Variants in MALRD1 observed in about 807,000 individuals in gnomAD.
The protein encoded by MALRD1 is MAM and LDL-receptor class A domain-containing protein 1.
Under a neutral mutation model 242.1 loss-of-function variants are expected in MALRD1, and 247 were observed. That is an observed-to-expected ratio of 1.02 (90% confidence interval 0.92 to 1.13). The LOEUF (loss-of-function observed/expected upper bound fraction) is 1.13, where lower values mean the gene tolerates loss of function less well. Among genes scored for constraint, MALRD1 ranks in the 50% most tolerant of loss-of-function variants. The pLI is 0.00. For missense variants in MALRD1, 2,989 were observed against 2,533.1 expected (o/e 1.18, Z -3.86); for synonymous variants, 995 against 866.6 (o/e 1.15, Z -2.60).
At chr10:19,306,101 G>GT (rs1564546829) in intron 21 of MALRD1, among the ~76,000 whole-genome samples, 2 of 109,098 alleles carry the variant, frequency 1.8e-5, no homozygotes, top group African/African-American at 3.8e-5. Context: ...CTATATACTA[G>GT]ATAGTATATA....
chr10:19,388,050 G>C (rs1390060858), intron 27 of MALRD1, among the ~76,000 whole-genome samples: 1 of 152,152 alleles, frequency 6.6e-6, no homozygotes, highest in Non-Finnish European at 1.5e-5. Context: ...GGTTGTGAGG[G>C]AGCATGATCT....
chr10:19,519,249 GT>G lies in MALRD1; in HGVS notation c.5321-11938del, dbSNP rs566967616. On this transcript the variant is annotated intron_variant, in intron 31 of 39. Transcript: ENST00000454679. Reference sequence around the variant, plus strand: ...GCATTTATTTACACTATGAATATCAGTTTTTTTCTCATTTTCTTCTATTGTT... The same window carrying G: ...GCATTTATTTACACTATGAATATCAGTTTTTTCTCATTTTCTTCTATTGTT... Among the ~76,000 whole-genome samples, 718 of 151,844 alleles carry G rather than the reference GT, an allele frequency of 4.7e-3. 6 individuals carry two copies. The highest frequency in any genetic ancestry group is 0.017 in the African/African-American group (690 of 41,450).
At chr10:19,457,851 A>G (rs147231662) in intron 29 of MALRD1, among the ~76,000 whole-genome samples, 1 of 151,854 alleles carries the variant, frequency 6.6e-6, no homozygotes, top group Non-Finnish European at 1.5e-5. Flanking sequence ...ATTTTAAAAC[A>G]TTGTTAAGTG....
At chr10:19,582,397 G>C (rs1268755260) in intron 33 of MALRD1, among the ~76,000 whole-genome samples, 2 of 146,434 alleles carry the variant, frequency 1.4e-5, no homozygotes, top group Non-Finnish European at 3.0e-5. Context: ...ATTGATTTTT[G>C]TATAAGGTGT....
intron 19 of MALRD1, among the ~76,000 whole-genome samples, chr10:19,274,930 C>T (rs1285089963): frequency 1.3e-5 from 2 of 151,974 alleles, no homozygotes; most frequent in Non-Finnish European, 2.9e-5. Flanking sequence ...AGCCTTAATA[C>T]TATTTACCAC....
At chr10:19,075,507 A>T (rs1170214847) in intron 2 of MALRD1, among the ~76,000 whole-genome samples, 1 of 152,066 alleles carries the variant, frequency 6.6e-6, no homozygotes, top group Non-Finnish European at 1.5e-5. Flanking sequence ...AAAGGGGATC[A>T]CAAGAAAGTA....
At chr10:19,063,790 T>G in intron 1 of MALRD1, among the ~76,000 whole-genome samples, 2 of 146,036 alleles carry the variant, frequency 1.4e-5, no homozygotes, top group South Asian at 2.3e-4. Context: ...CTGGGGACTG[T>G]TGTGGGGTGG....
intron 5 of MALRD1, among the ~76,000 whole-genome samples, chr10:19,109,006 T>A (rs1564396930): frequency 2.0e-5 from 3 of 152,198 alleles, no homozygotes; most frequent in Non-Finnish European, 4.4e-5. Flanking sequence ...GAGTATTGGT[T>A]AGATAGGGTA....
chr10:19,219,854 A>T (rs1837486112), intron 18 of MALRD1, among the ~76,000 whole-genome samples: 1 of 152,096 alleles, frequency 6.6e-6, no homozygotes, highest in South Asian at 2.1e-4. Context: ...TATGGGATGC[A>T]TTCAGATTTG....
chr10:19,607,877 C>G lies in MALRD1; in HGVS notation c.6045C>G (p.Phe2015Leu), dbSNP rs1287281547. Residue 2015 changes from phenylalanine (F) to leucine (L), a missense_variant, in exon 35 of 40, where the codon TTC becomes TTG. By Grantham distance (22) the Phe-to-Leu change is conservative. Transcript: ENST00000454679. ...RCDGFADCMD[F>L]QLDESSCSEC... ...ATGGTTTTGCCGACTGCATGGATTT[C>G]CAGCTTGATGAGTCCAGCTGCTCCG... is the stretch of plus-strand genomic sequence containing the variant. The G allele has an allele frequency of 1.9e-6, 3 of 1,549,678 alleles. No homozygotes were observed. Among genetic ancestry groups the G allele is most frequent in the Non-Finnish European group, 2.6e-6 (3 of 1,146,450 alleles).
chr10:19,183,112 A>G (rs1835581474), intron 14 of MALRD1, among the ~76,000 whole-genome samples: 1 of 101,032 alleles, frequency 9.9e-6, no homozygotes, highest in African/African-American at 3.6e-5. Context: ...TCTTATTTTG[A>G]GGGTTTTTTT....
intron 13 of MALRD1, among the ~76,000 whole-genome samples, chr10:19,168,432 A>G (rs1834790495): frequency 6.6e-6 from 1 of 152,250 alleles, no homozygotes; most frequent in African/African-American, 2.4e-5. Context: ...ATTAATTGAC[A>G]TATTGAGAAG....
rs1554830400 is a variant in MALRD1, at chr10:19,719,203, T to TACACACAC, written c.6315-11502_6315-11501insCACACACA. Among the ~76,000 whole-genome samples the TACACACAC allele has an allele frequency of 3.1e-5, 3 of 98,304 alleles. 1 individual carries two copies. Among genetic ancestry groups the TACACACAC allele is most frequent in the African/African-American group, 1.5e-4 (3 of 19,382 alleles). The allele number at this position is 98,304 out of a possible 152,430, so 64.5% of individuals were successfully genotyped here. A position where few individuals can be genotyped will look rare whatever the true frequency, so the allele number is the denominator to read the frequency against. ...ATATATATATATACATACATATATA[T>TACACACAC]ATATATATACACATACATACATATA... On this transcript the variant is annotated intron_variant, in intron 38 of 39. Coordinates refer to ENST00000454679, the MANE Select transcript of MALRD1 (RefSeq NM_001142308.3).
chr10:19,211,635 C>T lies in MALRD1; in HGVS notation c.2991+1955C>T, dbSNP rs1473201831. Among the ~76,000 whole-genome samples, 8 of 127,714 alleles carry T rather than the reference C, an allele frequency of 6.3e-5. No individual in the cohort carries two copies. In the South Asian group the frequency reaches 1.5e-3, roughly 25 times the overall value. The allele number at this position is 127,714 out of a possible 152,430, so 83.8% of individuals were successfully genotyped here. The stretch of plus-strand genomic sequence containing the variant: ...CCAGGAGGCTGAAGTTGCAGTGAGC[C>T]GAGATGCGCTACTGTACTCCAGCCT... On this transcript the variant is annotated intron_variant, in intron 18 of 39. Transcript: ENST00000454679.
At position 19,466,640 on chromosome 10, in the gene MALRD1, T is replaced by C. The variant is rs1836229065; in HGVS notation, c.5029+16150T>C. On this transcript the variant is annotated intron_variant, in intron 29 of 39. Transcript: ENST00000454679. ...ACTTGTGTTATTACAAGTTCTTTCC[T>C]CTGTGCATGTAGCTGTTGAGTATTC... is the stretch of plus-strand genomic sequence containing the variant. 5.3e-5 allele frequency among the ~76,000 whole-genome samples: 8 copies of C among 152,312 alleles called. No homozygotes were observed. In the South Asian group the frequency reaches 1.7e-3, roughly 32 times the overall value.
chr10:19,668,710 A>T, intron 36 of MALRD1, among the ~76,000 whole-genome samples: 1 of 152,192 alleles, frequency 6.6e-6, no homozygotes, highest in East Asian at 1.9e-4. Flanking sequence ...AAATTATAAT[A>T]CAACACTCAA....
intron 35 of MALRD1, among the ~76,000 whole-genome samples, chr10:19,612,436 T>C (rs1210871784): frequency 6.6e-6 from 1 of 151,904 alleles, no homozygotes; most frequent in Non-Finnish European, 1.5e-5. Flanking sequence ...CTGATTTTTT[T>C]GAAACCAAAA....
chr10:19,670,037 A>G (rs556630290), intron 36 of MALRD1, among the ~76,000 whole-genome samples: 1 of 151,500 alleles, frequency 6.6e-6, no homozygotes, highest in Non-Finnish European at 1.5e-5. Context: ...TAATTAAAAT[A>G]AAGTATAATG....
chr10:19,225,439 A>G (rs576658920), intron 18 of MALRD1, among the ~76,000 whole-genome samples: 1 of 152,270 alleles, frequency 6.6e-6, no homozygotes, highest in South Asian at 2.1e-4. Flanking sequence ...GGCTATTTCT[A>G]TACTTTCATG....
Sources: gnomAD v4.1 joint callset for allele counts (sites outside exome capture counted in the v4.1 genomes callset) on GRCh38, gnomAD v4.1.1 for gene constraint, MANE v1.5 for transcripts, NCBI Gene and HGNC (gene_info 2026-07-23, HGNC 2026-07-21) for gene names.